SCML4: variants seen among roughly 807,000 people sequenced by gnomAD.
The protein encoded by SCML4 is sex comb on midleg-like protein 4.
SCML4 carries 34 observed loss-of-function variants against 41.1 expected under a neutral mutation model. The observed-to-expected ratio is 0.83, with a 90% CI of 0.63 to 1.10. The LOEUF is 1.10. Ranked by LOEUF, SCML4 falls within the 50% of genes least tolerant of loss-of-function variation. The pLI is 0.00. For synonymous variants in SCML4, 214 were observed against 220.9 expected (o/e 0.97, Z 0.28); for missense variants, 522 against 534.1 (o/e 0.98, Z 0.22).
At position 107,704,927 on chromosome 6, in the gene SCML4, C is replaced by T. The variant is rs931615138; in HGVS notation, c.*273G>A. ...CACTCTCTCGTTATGCAAATAGGAC[C>T]CACTTTAAGAGAAACCAGCATAACA... On this transcript the variant is annotated 3_prime_UTR_variant, in exon 8 of 8. Transcript: ENST00000369020. 2 of 491,956 alleles carry T rather than the reference C, an allele frequency of 4.1e-6. No homozygotes were observed. The highest frequency in any genetic ancestry group is 3.9e-5 in the African/African-American group (2 of 51,348). 30.5% of individuals were successfully genotyped at this position (491,956 alleles called of 1,614,324 possible).
intron 5 of SCML4, among the ~76,000 whole-genome samples, chr6:107,726,197 C>T (rs1775949593): frequency 1.3e-5 from 2 of 151,658 alleles, no homozygotes; most frequent in Admixed American, 1.3e-4. Context: ...AGGGGCTAGA[C>T]TTATACAACC....
the SCML4 span, among the ~76,000 whole-genome samples, chr6:107,835,626 A>C: frequency 6.6e-6 from 1 of 151,824 alleles, no homozygotes; most frequent in Non-Finnish European, 1.5e-5. Flanking sequence ...CTGTAGTTTC[A>C]GCTACTTGCT....
chr6:107,713,217 C>T (rs1177388886), intron 6 of SCML4, among the ~76,000 whole-genome samples: 2 of 152,344 alleles, frequency 1.3e-5, no homozygotes, highest in South Asian at 2.1e-4. Context: ...TTTCCTTTCA[C>T]TCATTCATAA....
At chr6:107,764,014 C>T (rs1431997198) in intron 2 of SCML4, among the ~76,000 whole-genome samples, 1 of 152,228 alleles carries the variant, frequency 6.6e-6, no homozygotes, top group East Asian at 1.9e-4. Context: ...ATTCTTTCTT[C>T]ATACAAAACT....
At chr6:107,742,827 A>T (rs1157541337) in intron 5 of SCML4, among the ~76,000 whole-genome samples, 1 of 152,214 alleles carries the variant, frequency 6.6e-6, no homozygotes, top group Non-Finnish European at 1.5e-5. Flanking sequence ...AAGAAAAAAA[A>T]AACACTGCGG....
At chr6:107,820,391 T>C (rs1167130825) in intron 1 of SCML4, among the ~76,000 whole-genome samples, 1 of 152,126 alleles carries the variant, frequency 6.6e-6, no homozygotes, top group Non-Finnish European at 1.5e-5. Context: ...TGTGTGTTTG[T>C]GTGTGCGTGT....
At chr6:107,813,372 ATATATAT>A (rs1784315948) in intron 1 of SCML4, among the ~76,000 whole-genome samples, 1 of 11,224 alleles carries the variant, frequency 8.9e-5, no homozygotes, top group African/African-American at 1.3e-4. Context: ...CAAAAAAATT[ATATATAT>A]ATATATATAT....
At chr6:107,829,679 A>G in the SCML4 span, among the ~76,000 whole-genome samples, 1 of 152,142 alleles carries the variant, frequency 6.6e-6, no homozygotes, top group Admixed American at 6.5e-5. Flanking sequence ...GGTGCAGCAA[A>G]CCACCATGGC....
At chr6:107,792,319 C>T (rs1782390513) in intron 1 of SCML4, among the ~76,000 whole-genome samples, 1 of 152,194 alleles carries the variant, frequency 6.6e-6, no homozygotes, top group African/African-American at 2.4e-5. Flanking sequence ...GAAGGCAGGC[C>T]TATCATCAGA....
the SCML4 span, among the ~76,000 whole-genome samples, chr6:107,844,050 G>A: frequency 1.1e-4 from 16 of 152,146 alleles, no homozygotes; most frequent in African/African-American, 3.9e-4. Flanking sequence ...AATCATCAAG[G>A]ATACAGTATG....
chr6:107,737,252 C>T (rs1001493744), intron 5 of SCML4, among the ~76,000 whole-genome samples: 3 of 152,178 alleles, frequency 2.0e-5, no homozygotes, highest in African/African-American at 7.2e-5. Flanking sequence ...CTGGGGAGAA[C>T]AGAGGGATAC....
intron 5 of SCML4, among the ~76,000 whole-genome samples, chr6:107,738,245 A>T (rs773256443): frequency 6.6e-6 from 1 of 152,212 alleles, no homozygotes; most frequent in African/African-American, 2.4e-5. Flanking sequence ...ATAGAATTGG[A>T]GGGAAATAAC....
At chr6:107,791,926 C>A (rs528804710) in intron 1 of SCML4, among the ~76,000 whole-genome samples, 1 of 152,068 alleles carries the variant, frequency 6.6e-6, no homozygotes, top group Admixed American at 6.6e-5. Flanking sequence ...CTAACCACTG[C>A]GCTCCAGCCT....
rs987609638 is a variant in SCML4, at chr6:107,702,194, G to T, written c.*3006C>A. On this transcript the variant is annotated 3_prime_UTR_variant, in exon 8 of 8. Coordinates refer to ENST00000369020, the MANE Select transcript of SCML4 (RefSeq NM_198081.5). ...GCAGCATTTATTTTAAGAGTAATGA[G>T]ATTTTTAAAAAGTCAAACCTTAAAT... Among the ~76,000 whole-genome samples the T allele has an allele frequency of 6.6e-6, 1 of 152,204 alleles. No individual in the cohort carries two copies.
At chr6:107,791,429 T>C (rs1782319320) in intron 1 of SCML4, among the ~76,000 whole-genome samples, 2 of 152,144 alleles carry the variant, frequency 1.3e-5, no homozygotes, top group East Asian at 1.9e-4. Context: ...AGTTTACAGA[T>C]AGAGTCTCAG....
At chr6:107,736,416 A>G (rs1253683721) in intron 5 of SCML4, among the ~76,000 whole-genome samples, 1 of 152,144 alleles carries the variant, frequency 6.6e-6, no homozygotes, top group East Asian at 1.9e-4. Flanking sequence ...CAGCAGAAAA[A>G]CTTGGAATAA....
At chr6:107,780,236 C>T (rs1477537832) in intron 1 of SCML4, among the ~76,000 whole-genome samples, 1 of 152,076 alleles carries the variant, frequency 6.6e-6, no homozygotes. Flanking sequence ...AACCTTCATA[C>T]CGTTAAAAGA....
chr6:107,708,096 G>A (rs1773856842), intron 6 of SCML4, 85 bp from the exon 7 acceptor site: 4 of 1,453,720 alleles, frequency 2.8e-6, no homozygotes, highest in South Asian at 1.3e-5. Flanking sequence ...CACCTAGCCT[G>A]GAAGGGGGAT....
chr6:107,842,089 C>T, the SCML4 span, among the ~76,000 whole-genome samples: 1 of 152,170 alleles, frequency 6.6e-6, no homozygotes. Flanking sequence ...AGCACTGCCT[C>T]AGTTGCAATT....
Sources: allele counts gnomAD v4.1 joint callset (sites outside exome capture counted in the v4.1 genomes callset), GRCh38; gene constraint gnomAD v4.1.1; transcripts MANE v1.5; gene names NCBI Gene and HGNC (gene_info 2026-07-23, HGNC 2026-07-21).